Variants in EPHA6 observed in about 807,000 individuals in gnomAD.
EPHA6 encodes the protein ephrin type-A receptor 6.
A neutral mutation model predicts 112.0 loss-of-function variants in EPHA6; 50 were observed. That is an observed-to-expected ratio of 0.45 (90% CI 0.36 to 0.56). The LOEUF (loss-of-function observed/expected upper bound fraction) is 0.56. Among genes scored for constraint, EPHA6 ranks in the 20% least tolerant of loss-of-function variants. The pLI is 0.00. For synonymous variants in EPHA6, 529 were observed against 490.7 expected (o/e 1.08, Z -1.03); for missense variants, 1,280 against 1,417.4 (o/e 0.90, Z 1.56).
intron 3 of EPHA6, among the ~76,000 whole-genome samples, chr3:97,051,445 C>T (rs2045682478): frequency 1.3e-5 from 2 of 152,042 alleles, no homozygotes; most frequent in African/African-American, 4.8e-5. Flanking sequence ...AAAATAATTA[C>T]AAAACCAGGC....
intron 2 of EPHA6, among the ~76,000 whole-genome samples, chr3:96,972,192 C>G (rs1462975670): frequency 2.0e-5 from 3 of 151,880 alleles, no homozygotes; most frequent in Non-Finnish European, 4.4e-5. Context: ...ACTATTCCCC[C>G]TTTATATATT....
At chr3:97,706,789 GT>G (rs560962263) in intron 14 of EPHA6, among the ~76,000 whole-genome samples, 13,143 of 136,284 alleles carry the variant, frequency 0.096, 1,839 homozygotes, top group African/African-American at 0.32. Flanking sequence ...TTGTTTTGTT[GT>G]TTTTTTTTTT....
chr3:97,301,128 C>G (rs530363363), intron 5 of EPHA6, among the ~76,000 whole-genome samples: 5 of 152,228 alleles, frequency 3.3e-5, no homozygotes, highest in African/African-American at 1.2e-4. Context: ...ACTTGTGTAT[C>G]TTCTCCCATT....
intron 3 of EPHA6, among the ~76,000 whole-genome samples, chr3:97,209,837 G>A (rs752296496): frequency 1.4e-4 from 22 of 152,090 alleles, no homozygotes; most frequent in South Asian, 2.1e-4. Context: ...AGTGAGTTTC[G>A]TCAAAATGTT....
At chr3:97,354,594 C>T (rs1278041680) in intron 5 of EPHA6, among the ~76,000 whole-genome samples, 2 of 151,952 alleles carry the variant, frequency 1.3e-5, no homozygotes, top group African/African-American at 4.8e-5. Context: ...TAATGAAGCA[C>T]ACCTACAGGA....
At chr3:97,418,732 G>A (rs2088345783) in intron 6 of EPHA6, among the ~76,000 whole-genome samples, 1 of 152,066 alleles carries the variant, frequency 6.6e-6, no homozygotes, top group African/African-American at 2.4e-5. Context: ...GAAGCAAGAT[G>A]TGAATAAATA....
intron 2 of EPHA6, among the ~76,000 whole-genome samples, chr3:96,935,167 A>T (rs886173219): frequency 6.6e-6 from 1 of 151,890 alleles, no homozygotes; most frequent in Non-Finnish European, 1.5e-5. Context: ...CAATACTCAC[A>T]TTAACAACAT....
At chr3:97,567,899 A>G (rs1243933209) in intron 11 of EPHA6, among the ~76,000 whole-genome samples, 2 of 152,192 alleles carry the variant, frequency 1.3e-5, no homozygotes, top group African/African-American at 4.8e-5. Flanking sequence ...CCAGAGTGGG[A>G]AAGTCATGGC....
intron 4 of EPHA6, among the ~76,000 whole-genome samples, chr3:97,237,430 T>C (rs2078712439): frequency 6.6e-6 from 1 of 151,988 alleles, no homozygotes; most frequent in South Asian, 2.1e-4. Context: ...GCAGAGGTTC[T>C]TTTATCAAAT....
intron 3 of EPHA6, among the ~76,000 whole-genome samples, chr3:97,104,718 TATCAGCTCTTCTTTGTAC>T (rs1225291426): frequency 6.6e-6 from 1 of 152,126 alleles, no homozygotes; most frequent in African/African-American, 2.4e-5. Context: ...GTAGGAATGG[TATCAGCTCTTCTTTGTAC>T]ATCAGGTAGA....
At chr3:97,735,870 G>T in intron 15 of EPHA6, 55 bp from the exon 16 acceptor site, 1 of 1,301,046 alleles carries the variant, frequency 7.7e-7, no homozygotes, top group South Asian at 2.0e-5. Context: ...AGAAATTATA[G>T]CATATGTATT....
intron 2 of EPHA6, among the ~76,000 whole-genome samples, chr3:96,879,905 AG>A (rs1020102202): frequency 9.2e-5 from 14 of 151,966 alleles, no homozygotes; most frequent in Non-Finnish European, 1.9e-4. Flanking sequence ...AGTCTTTTGG[AG>A]GAGTCTTTAG....
At chr3:96,936,655 A>G (rs1474546444) in intron 2 of EPHA6, among the ~76,000 whole-genome samples, 1 of 151,952 alleles carries the variant, frequency 6.6e-6, no homozygotes, top group African/African-American at 2.4e-5. Flanking sequence ...CATGTGCACA[A>G]TGTGCAGGTT....
intron 3 of EPHA6, among the ~76,000 whole-genome samples, chr3:97,169,848 A>T (rs901251891): frequency 6.6e-6 from 1 of 152,136 alleles, no homozygotes; most frequent in Admixed American, 6.6e-5. Context: ...TTCATATGCA[A>T]TGCAAAATTT....
intron 10 of EPHA6, among the ~76,000 whole-genome samples, chr3:97,497,664 A>G (rs186740977): frequency 5.6e-4 from 85 of 152,312 alleles, no homozygotes; most frequent in African/African-American, 1.9e-3. Flanking sequence ...TATAGAATTT[A>G]CAAGTGTTTA....
At chr3:97,433,019 A>G (rs979574687) in intron 6 of EPHA6, among the ~76,000 whole-genome samples, 6 of 152,218 alleles carry the variant, frequency 3.9e-5, no homozygotes, top group Non-Finnish European at 8.8e-5. Context: ...CTATAAAAGA[A>G]TTAGAAACCT....
chr3:97,166,769 C>T (rs1292794607), intron 3 of EPHA6, among the ~76,000 whole-genome samples: 5 of 152,104 alleles, frequency 3.3e-5, no homozygotes, highest in African/African-American at 9.7e-5. Context: ...TGTATAAGTA[C>T]TGCTGATCAG....
At chr3:97,710,666 G>C (rs2033917787) in intron 14 of EPHA6, among the ~76,000 whole-genome samples, 1 of 152,162 alleles carries the variant, frequency 6.6e-6, no homozygotes, top group Non-Finnish European at 1.5e-5. Context: ...TCTATTTACA[G>C]AAAAATCTGT....
chr3:97,426,043 C>T (rs1462386247), intron 6 of EPHA6, among the ~76,000 whole-genome samples: 1 of 152,158 alleles, frequency 6.6e-6, no homozygotes, highest in Non-Finnish European at 1.5e-5. Flanking sequence ...CCAAACTTTC[C>T]CAAATCTTCC....
Sources: gnomAD v4.1 joint callset for allele counts (sites outside exome capture counted in the v4.1 genomes callset) on GRCh38, gnomAD v4.1.1 for gene constraint, MANE v1.5 for transcripts, NCBI Gene and HGNC (gene_info 2026-07-23, HGNC 2026-07-21) for gene names.